FGFR1: variants seen among roughly 807,000 people sequenced by gnomAD.
The protein encoded by FGFR1 is FGFR1/PLAG1 fusion.
Under a neutral mutation model 93.7 loss-of-function variants are expected in FGFR1, and 18 were observed. The ratio of observed to expected loss-of-function variants is 0.19; its 90% CI spans 0.13 to 0.28. FGFR1 has a LOEUF of 0.28. FGFR1 is among the 10% of genes least tolerant of loss of function. The pLI, the probability that FGFR1 is intolerant of heterozygous loss-of-function variation, is 1.00. For synonymous variants in FGFR1, 448 were observed against 429.3 expected (o/e 1.04, Z -0.54); for missense variants, 731 against 1,080.4 (o/e 0.68, Z 4.53).
At chr8:38,421,617 A>G in intron 8 of FGFR1, 180 bp downstream of exon 8, 1 of 716,732 alleles carries the variant, frequency 1.4e-6, no homozygotes, top group Non-Finnish European at 2.5e-6. Context: ...AAACTAGGGA[A>G]GCTCTTCTCT....
chr8:38,428,249 C>A, intron 4 of FGFR1, 97 bp downstream of exon 4: 1 of 1,466,058 alleles, frequency 6.8e-7, no homozygotes, highest in Non-Finnish European at 9.6e-7. Flanking sequence ...ACCGTGACCC[C>A]ATGTGCCCTC....
At position 38,457,396 on chromosome 8, in the gene FGFR1, T is replaced by C. The variant is rs886286139; in HGVS notation, c.51A>G (p.Thr17=). The C allele has an allele frequency of 3.7e-6, 6 of 1,613,810 alleles. No homozygotes were observed. Among genetic ancestry groups the C allele is most frequent in the African/African-American group, 1.3e-5 (1 of 74,900 alleles). ...TCGGGGACGGCCTAGCGGTGCAGAG[T>C]GTGGCTGTGACCAGCACAGCCCAGA... is the stretch of plus-strand genomic sequence containing the variant. ...LLFWAVLVTA[T]LCTARPSPTL... Residue 17 remains threonine (T), a synonymous_variant, in exon 2 of 18, where the codon ACA becomes ACG. Transcript: ENST00000447712.
At chr8:38,421,966 T>C (rs1316271882) in intron 7 of FGFR1, 25 bp from the exon 8 acceptor site, 6 of 1,613,438 alleles carry the variant, frequency 3.7e-6, no homozygotes, top group Non-Finnish European at 8.5e-7. Context: ...GGAAGCAAAA[T>C]GGACAAGCAC....
At chr8:38,444,051 CAAAAAAAAAAAAA>C (rs746296068) in intron 2 of FGFR1, among the ~76,000 whole-genome samples, 5 of 74,352 alleles carry the variant, frequency 6.7e-5, no homozygotes, top group East Asian at 4.6e-4. Context: ...GAAACTGTCT[CAAAAAAAAAAAAA>C]AAAAAAAAAA....
At chr8:38,422,541 C>T (rs1225438215) in intron 7 of FGFR1, among the ~76,000 whole-genome samples, 1 of 152,142 alleles carries the variant, frequency 6.6e-6, no homozygotes, top group Non-Finnish European at 1.5e-5. Flanking sequence ...CTAGCTGGGA[C>T]TACAGGCACA....
chr8:38,454,615 C>G (rs1011665025), intron 2 of FGFR1, among the ~76,000 whole-genome samples: 2 of 152,192 alleles, frequency 1.3e-5, no homozygotes, highest in Non-Finnish European at 2.9e-5. Context: ...TCTAGCCAGA[C>G]ACTCAAAATA....
In FGFR1 at chr8:38,427,915, A is replaced by G. The variant is rs746571515; in HGVS notation, c.621+6T>C. The G allele has an allele frequency of 1.9e-6, 3 of 1,614,050 alleles. No individual in the cohort carries two copies. The South Asian group carries it at 3.3e-5, about 18-fold the overall frequency. ...TACTCTAACTTTCGCATGCACACAC[A>G]CGTACCTTGTAGCCTCCAATTCTGT... On this transcript the variant is annotated splice_donor_region_variant and intron_variant, in intron 5 of 17. Transcript: ENST00000447712.
Position 38,411,508 on chromosome 8 carries a change from G to A in FGFR1, c.*2120C>T, listed in dbSNP as rs1443867243. Reference sequence around the variant, plus strand: ...GGTGCTATTTACAGAGAGAAACAAAGAGAATTTTACAATAGTCGCCAACAC... The same window carrying A: ...GGTGCTATTTACAGAGAGAAACAAAAAGAATTTTACAATAGTCGCCAACAC... On this transcript the variant is annotated 3_prime_UTR_variant, in exon 18 of 18. Transcript: ENST00000447712. 4.4e-6 allele frequency: 1 copy of A among 228,092 alleles called. No homozygotes were observed. Among genetic ancestry groups the A allele is most frequent in the Admixed American group, 5.7e-5 (1 of 17,602 alleles). 14.1% of individuals were successfully genotyped at this position (228,092 alleles called of 1,614,324 possible). A position where few individuals can be genotyped will look rare whatever the true frequency, so the allele number is the denominator to read the frequency against.
chr8:38,411,928 G>A lies in FGFR1; in HGVS notation c.*1700C>T, dbSNP rs1814532187. The A allele has an allele frequency of 8.7e-6, 2 of 230,110 alleles. No homozygotes were observed. Among genetic ancestry groups the A allele is most frequent in the South Asian group, 3.6e-4 (2 of 5,514 alleles). The allele number at this position is 230,110 out of a possible 1,614,324, so 14.3% of individuals were successfully genotyped here. On this transcript the variant is annotated 3_prime_UTR_variant, in exon 18 of 18. Coordinates refer to ENST00000447712, the MANE Select transcript of FGFR1 (RefSeq NM_023110.3). Reference sequence around the variant, plus strand: ...ACGATCTGGGGAGGCATACCAACAAGAAACGAAGCCAGGGACCTGAATGCA... The same window carrying A: ...ACGATCTGGGGAGGCATACCAACAAAAAACGAAGCCAGGGACCTGAATGCA...
Position 38,417,291 on chromosome 8 carries a change from C to G in FGFR1, c.1663+15G>C. ...TCCCCGCTGGGCAGGGAAAGCCAGT[C>G]TGGCCGGCACCCACCATCCTGCGTG... On this transcript the variant is annotated intron_variant, in intron 12 of 17. Transcript: ENST00000447712. The G allele has an allele frequency of 6.2e-7, 1 of 1,605,554 alleles. No individual in the cohort carries two copies. The highest frequency in any genetic ancestry group is 8.5e-7 in the Non-Finnish European group (1 of 1,174,250).
chr8:38,411,240 T>C lies in FGFR1; in HGVS notation c.*2388A>G, dbSNP rs1208675155. 4 of 207,054 alleles carry C rather than the reference T, an allele frequency of 1.9e-5. No individual in the cohort carries two copies. In the East Asian group the frequency reaches 2.2e-4, roughly 11 times the overall value. The allele number at this position is 207,054 out of a possible 1,614,324, so 12.8% of individuals were successfully genotyped here. ...AGCAAGGACATCACTGTAATTATGA[T>C]AGTGCCTTATATTTTTCTAGCACCT... On this transcript the variant is annotated 3_prime_UTR_variant, in exon 18 of 18. Coordinates refer to ENST00000447712, the MANE Select transcript of FGFR1 (RefSeq NM_023110.3).
chr8:38,459,024 C>T (rs1268408286), intron 1 of FGFR1: 4 of 227,326 alleles, frequency 1.8e-5, no homozygotes, highest in African/African-American at 6.7e-5. Context: ...CACACTGGCC[C>T]CAGTTAAAAG....
At position 38,418,413 on chromosome 8, in the gene FGFR1, G is replaced by A. The variant is rs1325654119; in HGVS notation, c.1285-40C>T. On this transcript the variant is annotated intron_variant, in intron 9 of 17. Transcript: ENST00000447712. The stretch of plus-strand genomic sequence containing the variant: ...GGGGTCACCCTAGAGCAAGGAGGGG[G>A]GACGGGGTGACTCCTTCCCATTCTT... The A allele has an allele frequency of 3.1e-6, 5 of 1,599,612 alleles. No homozygotes were observed. In the East Asian group the frequency reaches 1.1e-4, roughly 36 times the overall value.
Position 38,429,795 on chromosome 8 carries a change from G to A in FGFR1, c.245C>T (p.Thr82Ile), listed in dbSNP as rs760780809. 8.7e-6 allele frequency: 14 copies of A among 1,613,034 alleles called. No homozygotes were observed. Among genetic ancestry groups the A allele is most frequent in the Admixed American group, 1.7e-5 (1 of 59,916 alleles). Residue 82 changes from threonine (T) to isoleucine (I), a missense_variant, in exon 3 of 18, where the codon ACA (threonine) becomes ATA (isoleucine). Coordinates refer to ENST00000447712, the MANE Select transcript of FGFR1 (RefSeq NM_023110.3). This position sits in a 1 kb window ranked among gnomAD's most constrained non-coding sequence, Gnocchi z 4.4. ...GTCCTGCACCTCCACCTCCTCCCCT[G>A]TGATGCGGGTGCGGTTGCTTTCCGC... ...QLAESNRTRITGEEVEVQDSV... is the reference protein window; with the variant it reads ...QLAESNRTRIIGEEVEVQDSV...
At chr8:38,431,314 C>G (rs1322087419) in intron 2 of FGFR1, among the ~76,000 whole-genome samples, 1 of 152,150 alleles carries the variant, frequency 6.6e-6, no homozygotes, top group Non-Finnish European at 1.5e-5. Context: ...GGTTAGGTGC[C>G]CTCCCCCTCC....
chr8:38,455,257 T>A (rs1832473461), intron 2 of FGFR1, among the ~76,000 whole-genome samples: 1 of 152,144 alleles, frequency 6.6e-6, no homozygotes, highest in South Asian at 2.1e-4. Context: ...ATTACCAGCA[T>A]AATCCACGCC....
intron 2 of FGFR1, among the ~76,000 whole-genome samples, chr8:38,457,085 A>G (rs968026057): frequency 1.3e-5 from 2 of 152,340 alleles, no homozygotes; most frequent in Non-Finnish European, 2.9e-5. Context: ...AGAGAAAAGC[A>G]TAAATTACCC....
At chr8:38,447,343 A>C (rs969973971) in intron 2 of FGFR1, among the ~76,000 whole-genome samples, 5 of 152,114 alleles carry the variant, frequency 3.3e-5, no homozygotes, top group African/African-American at 1.2e-4. Context: ...TCCACCCCTC[A>C]CCCACTATAT....
Position 38,412,378 on chromosome 8 carries a change from C to T in FGFR1, c.*1250G>A, listed in dbSNP as rs1047201007. ...CCTCTTAATCACTGTAGCTCTACCCCGTGGCTATTCCTAGGTAGGTGCCCC... is the reference window on the plus strand; with the variant it reads ...CCTCTTAATCACTGTAGCTCTACCCTGTGGCTATTCCTAGGTAGGTGCCCC... On this transcript the variant is annotated 3_prime_UTR_variant, in exon 18 of 18. Transcript: ENST00000447712. 7 of 232,416 alleles carry T rather than the reference C, an allele frequency of 3.0e-5. No individual in the cohort carries two copies. Among genetic ancestry groups the T allele is most frequent in the African/African-American group, 1.5e-4 (7 of 45,300 alleles). 14.4% of individuals were successfully genotyped at this position (232,416 alleles called of 1,614,324 possible). A position where few individuals can be genotyped will look rare whatever the true frequency, so the allele number is the denominator to read the frequency against.
Sources: allele counts gnomAD v4.1 joint callset (sites outside exome capture counted in the v4.1 genomes callset), GRCh38; gene constraint gnomAD v4.1.1; non-coding constraint Gnocchi (gnomAD v3.1); transcripts MANE v1.5; gene names NCBI Gene and HGNC (gene_info 2026-07-23, HGNC 2026-07-21).